Variants in LIMD1 observed in about 807,000 individuals in gnomAD.
The protein encoded by LIMD1 is LIM domain containing 1.
In LIMD1, 23 loss-of-function variants were observed where a neutral mutation model predicts 58.4. That is an observed-to-expected ratio of 0.39 (90% CI 0.28 to 0.56). LIMD1 has a LOEUF of 0.56. Among genes scored for constraint, LIMD1 ranks in the 20% least tolerant of loss-of-function variants. The pLI, the probability that LIMD1 is intolerant of heterozygous loss-of-function variation, is 0.57. For missense variants in LIMD1, 838 were observed against 855.5 expected (o/e 0.98, Z 0.25); for synonymous variants, 334 against 345.5 (o/e 0.97, Z 0.37).
chr3:45,659,715 T>A (rs1309652183), intron 2 of LIMD1, among the ~76,000 whole-genome samples: 1 of 152,256 alleles, frequency 6.6e-6, no homozygotes, highest in Non-Finnish European at 1.5e-5. Context: ...TTATATGTAC[T>A]CTGGTTTATA....
intron 1 of LIMD1, 67 bp downstream of exon 1, chr3:45,596,354 C>A (rs778390603): frequency 3.1e-6 from 4 of 1,281,582 alleles, no homozygotes; most frequent in Admixed American, 2.2e-5. Flanking sequence ...GGGAACATGC[C>A]CCCTACCAGG....
chr3:45,653,072 A>T (rs1021095372), intron 2 of LIMD1, among the ~76,000 whole-genome samples: 1 of 152,216 alleles, frequency 6.6e-6, no homozygotes, highest in Non-Finnish European at 1.5e-5. Flanking sequence ...GTTGAATTGG[A>T]TAATAACTAC....
intron 1 of LIMD1, among the ~76,000 whole-genome samples, chr3:45,608,839 CAAAAA>C (rs60750700): frequency 4.9e-5 from 5 of 102,988 alleles, no homozygotes; most frequent in African/African-American, 1.2e-4. Flanking sequence ...GACTCGGTAT[CAAAAA>C]AAAAAAAAAA....
intron 1 of LIMD1, among the ~76,000 whole-genome samples, chr3:45,602,718 T>TGTACCA (rs3836516): frequency 0.34 from 51,538 of 151,684 alleles, 9,239 homozygotes; most frequent in South Asian, 0.53. Context: ...GTCCTATCTA[T>TGTACCA]GTACCTACAT....
chr3:45,625,460 G>A (rs1701660917), intron 1 of LIMD1, among the ~76,000 whole-genome samples: 2 of 152,050 alleles, frequency 1.3e-5, no homozygotes, highest in African/African-American at 2.4e-5. Context: ...TGCTGACTCT[G>A]GTTTTTGAAT....
Position 45,683,747 on chromosome 3 carries a change from T to C in LIMD1, c.*6688T>C, listed in dbSNP as rs1041840105. The C allele has an allele frequency of 1.3e-5, 2 of 152,232 alleles. No homozygotes were observed. Among genetic ancestry groups the C allele is most frequent in the Non-Finnish European group, 2.9e-5 (2 of 68,050 alleles). 9.4% of individuals were successfully genotyped at this position (152,232 alleles called of 1,614,324 possible). On this transcript the variant is annotated 3_prime_UTR_variant, in exon 8 of 8. Transcript: ENST00000273317. Reference sequence around the variant, plus strand: ...TCTGTAACCGGGTTCTTGAGCTGCTTGGGCTGCTCCCACCCTGTGGAGCGT... The same window carrying C: ...TCTGTAACCGGGTTCTTGAGCTGCTCGGGCTGCTCCCACCCTGTGGAGCGT...
intron 2 of LIMD1, among the ~76,000 whole-genome samples, chr3:45,651,664 C>T (rs961677918): frequency 6.6e-6 from 1 of 151,900 alleles, no homozygotes; most frequent in Non-Finnish European, 1.5e-5. Flanking sequence ...TGGAGTCTTG[C>T]CCCCATTGTG....
chr3:45,643,364 A>G (rs1701866978), intron 2 of LIMD1, among the ~76,000 whole-genome samples: 2 of 152,162 alleles, frequency 1.3e-5, no homozygotes, highest in South Asian at 4.1e-4. Context: ...ACATGCCTAT[A>G]ATACTAGCTA....
rs1697506351 is a variant in LIMD1, at chr3:45,665,656, A to G, written c.1517A>G (p.Lys506Arg). The G allele has an allele frequency of 1.2e-6, 2 of 1,613,908 alleles. No homozygotes were observed. Among genetic ancestry groups the G allele is most frequent in the African/African-American group, 1.3e-5 (1 of 74,932 alleles). ...TTTGTGATTTTTTCCTTAGGCCGGA[A>G]GCTGAGAGGAAAAGCCTTTTATTTT... is the stretch of plus-strand genomic sequence containing the variant. ...TCFTCAACSR[K>R]LRGKAFYFVN... Residue 506 changes from lysine (K) to arginine (R), a missense_variant, in exon 3 of 8, where the codon AAG becomes AGG. Physicochemically the swap from Lys to Arg is conservative, Grantham distance 26 (BLOSUM62 2). Around this residue, in one of 3 missense-constraint regions of LIMD1, gnomAD observed 659 missense variants for 639.8 expected, o/e 1.03. Transcript: ENST00000273317.
chr3:45,600,236 C>T (rs974980040), intron 1 of LIMD1, among the ~76,000 whole-genome samples: 7 of 152,294 alleles, frequency 4.6e-5, no homozygotes, highest in South Asian at 4.1e-4. Context: ...GTCACTCAGG[C>T]CAAAAGCAAA....
chr3:45,655,305 T>C (rs887523503), intron 2 of LIMD1, among the ~76,000 whole-genome samples: 1 of 152,180 alleles, frequency 6.6e-6, no homozygotes, highest in Non-Finnish European at 1.5e-5. Flanking sequence ...GTAAAAATGG[T>C]CTATTGAGTA....
intron 1 of LIMD1, among the ~76,000 whole-genome samples, chr3:45,630,071 C>T (rs565982557): frequency 6.6e-6 from 1 of 152,324 alleles, no homozygotes; most frequent in African/African-American, 2.4e-5. Context: ...CCCTTCCTCT[C>T]TTCTCCTAAA....
In LIMD1 at chr3:45,665,688, G is replaced by A. The variant is rs771704284; in HGVS notation, c.1549G>A (p.Gly517Ser). The change falls in exon 3 of 8, where the codon GGC (glycine) becomes AGC (serine). Residue 517 changes from glycine (G) to serine (S), a missense_variant. Physicochemically the swap from Gly to Ser is moderately conservative, Grantham distance 56 (BLOSUM62 0). Around this residue, in one of 3 missense-constraint regions of LIMD1, gnomAD observed 5 missense variants for 18.3 expected, o/e 0.27. Coordinates refer to ENST00000273317, the MANE Select transcript of LIMD1 (RefSeq NM_014240.3). ...AGGAAAAGCCTTTTATTTTGTCAAC[G>A]GCAAAGTGTTTTGTGAAGAAGACTT... is the stretch of plus-strand genomic sequence containing the variant. Reference protein sequence around the residue: ...LRGKAFYFVNGKVFCEEDFLY... With the variant: ...LRGKAFYFVNSKVFCEEDFLY... The A allele has an allele frequency of 1.3e-5, 21 of 1,613,880 alleles. No homozygotes were observed. Among genetic ancestry groups the A allele is most frequent in the Non-Finnish European group, 1.6e-5 (19 of 1,179,988 alleles).
chr3:45,671,107 A>G (rs1697581120), intron 4 of LIMD1, among the ~76,000 whole-genome samples: 1 of 152,234 alleles, frequency 6.6e-6, no homozygotes, highest in South Asian at 2.1e-4. Context: ...AAATTGCCAA[A>G]TGGGTTTTGG....
chr3:45,668,678 T>G (rs903794018), intron 4 of LIMD1, among the ~76,000 whole-genome samples: 6 of 150,902 alleles, frequency 4.0e-5, no homozygotes, highest in African/African-American at 1.5e-4. Context: ...GTTTGAACCC[T>G]GGAGGCGGAG....
At chr3:45,635,561 C>T (rs1387414900) in intron 1 of LIMD1, among the ~76,000 whole-genome samples, 1 of 151,520 alleles carries the variant, frequency 6.6e-6, no homozygotes, top group Non-Finnish European at 1.5e-5. Context: ...GTTACTAAAT[C>T]CTAGTTGGTG....
rs3774682 is a variant in LIMD1 at position 45,604,715 on chromosome 3, C to T, written c.1408+8428C>T. On this transcript the variant is annotated intron_variant, in intron 1 of 7. Coordinates refer to ENST00000273317, the MANE Select transcript of LIMD1 (RefSeq NM_014240.3). ...GGCCAGTGCTGTGCTGCCAATGCCA[C>T]CAATCCCTTCCAAGCAGGCTGATCT... 1.0e-3 allele frequency among the ~76,000 whole-genome samples: 157 copies of T among 152,294 alleles called. 1 individual carries two copies. In the East Asian group the frequency reaches 0.029, roughly 28 times the overall value.
intron 1 of LIMD1, among the ~76,000 whole-genome samples, chr3:45,615,600 C>G (rs906239840): frequency 6.6e-6 from 1 of 151,746 alleles, no homozygotes; most frequent in Non-Finnish European, 1.5e-5. Flanking sequence ...ACTAAAAATG[C>G]GAAAAATTAG....
In LIMD1 at chr3:45,684,599, GAT is replaced by G. The variant is rs1452540214; in HGVS notation, c.*7546_*7547del. 1 of 152,220 alleles carries G rather than the reference GAT, an allele frequency of 6.6e-6. No homozygotes were observed. Among genetic ancestry groups the G allele is most frequent in the African/African-American group, 2.4e-5 (1 of 41,456 alleles). 9.4% of individuals were successfully genotyped at this position (152,220 alleles called of 1,614,324 possible). A position where few individuals can be genotyped will look rare whatever the true frequency, so the allele number is the denominator to read the frequency against. ...CCCCATTCCTGGCGGGAAGCAGACT[GAT>G]ATATAGAGGAGGGGGTTTGAAGAGG... On this transcript the variant is annotated 3_prime_UTR_variant, in exon 8 of 8. Transcript: ENST00000273317.
Sources: allele counts gnomAD v4.1 joint callset (sites outside exome capture counted in the v4.1 genomes callset), GRCh38; gene constraint gnomAD v4.1.1; regional missense constraint gnomAD v4.1.1; transcripts MANE v1.5; gene names NCBI Gene and HGNC (gene_info 2026-07-23, HGNC 2026-07-21).